CLYBL: variants seen among roughly 807,000 people sequenced by gnomAD.
The protein encoded by CLYBL is citramalyl-CoA lyase, also known as citramalyl-CoA lyase, mitochondrial.
CLYBL carries 31 observed loss-of-function variants against 38.9 expected under a neutral mutation model. That is an observed-to-expected ratio of 0.80 (90% CI 0.60 to 1.08). CLYBL has a LOEUF of 1.08. Ranked by LOEUF, CLYBL falls within the 50% of genes least tolerant of loss-of-function variation. CLYBL has a pLI of 0.00. For missense variants in CLYBL, 434 were observed against 411.6 expected (o/e 1.05, Z -0.47); for synonymous variants, 171 against 158.6 (o/e 1.08, Z -0.59).
chr13:99,709,977 G>A (rs948477067), intron 1 of CLYBL, among the ~76,000 whole-genome samples: 5 of 134,958 alleles, frequency 3.7e-5, no homozygotes, highest in Non-Finnish European at 7.6e-5. Flanking sequence ...AGTCTGGAGT[G>A]CAGTGGCGCT....
intron 1 of CLYBL, among the ~76,000 whole-genome samples, chr13:99,686,153 G>A (rs1284031231): frequency 2.0e-5 from 3 of 152,130 alleles, no homozygotes; most frequent in Non-Finnish European, 4.4e-5. Flanking sequence ...GTGTGGAGCT[G>A]TTTCAGGGAC....
chr13:99,897,372 A>G (rs1201482345), downstream of CLYBL, among the ~76,000 whole-genome samples: 1 of 152,184 alleles, frequency 6.6e-6, no homozygotes, highest in East Asian at 1.9e-4. Context: ...TGTCCTCAAG[A>G]TTAGGGCTGA....
chr13:99,736,051 T>TC (rs1247242473), intron 1 of CLYBL, among the ~76,000 whole-genome samples: 6 of 141,368 alleles, frequency 4.2e-5, no homozygotes, highest in Non-Finnish European at 9.2e-5. Flanking sequence ...TTTTTTTTTT[T>TC]TTTTTTTTTT....
chr13:99,664,526 C>T (rs762288429), intron 1 of CLYBL, among the ~76,000 whole-genome samples: 22 of 152,144 alleles, frequency 1.4e-4, no homozygotes, highest in African/African-American at 5.3e-4. Flanking sequence ...GATACCTTTG[C>T]GTAGTACTTT....
chr13:99,638,378 T>C (rs1011415495), intron 1 of CLYBL, among the ~76,000 whole-genome samples: 1 of 152,250 alleles, frequency 6.6e-6, no homozygotes, highest in Non-Finnish European at 1.5e-5. Flanking sequence ...CTCCAAATTA[T>C]TGAAAGTTAT....
intron 1 of CLYBL, among the ~76,000 whole-genome samples, chr13:99,709,103 AAG>A (rs2048189386): frequency 6.6e-6 from 1 of 152,126 alleles, no homozygotes; most frequent in Non-Finnish European, 1.5e-5. Flanking sequence ...AAAAAAAAGA[AAG>A]AAAAAAAAGG....
intron 1 of CLYBL, among the ~76,000 whole-genome samples, chr13:99,614,559 CGGGCAGGTGTAGCTGCGA>C (rs879532231): frequency 5.3e-5 from 8 of 152,174 alleles, no homozygotes; most frequent in East Asian, 1.9e-4. Flanking sequence ...TACACCTGCC[CGGGCAGGTGTAGCTGCGA>C]GGGAGGTCTC....
intron 1 of CLYBL, among the ~76,000 whole-genome samples, chr13:99,652,189 T>G (rs548299749): frequency 6.6e-6 from 1 of 152,282 alleles, no homozygotes; most frequent in East Asian, 1.9e-4. Context: ...GGGCCCACCC[T>G]TTGGCTCTGG....
chr13:99,771,057 A>C (rs2049383978), intron 1 of CLYBL, among the ~76,000 whole-genome samples: 2 of 118,234 alleles, frequency 1.7e-5, no homozygotes, highest in Admixed American at 9.7e-5. Flanking sequence ...TTTTTGAGGC[A>C]AGGTATTGCT....
intron 1 of CLYBL, among the ~76,000 whole-genome samples, chr13:99,724,477 A>T (rs192448093): frequency 1.3e-5 from 2 of 152,014 alleles, no homozygotes; most frequent in South Asian, 2.1e-4. Flanking sequence ...CCCTCCCTTG[A>T]TAAGAGCCTG....
intron 1 of CLYBL, among the ~76,000 whole-genome samples, chr13:99,641,060 T>A (rs1171406248): frequency 2.6e-5 from 4 of 152,262 alleles, no homozygotes; most frequent in Non-Finnish European, 5.9e-5. Context: ...AAATGAAAAT[T>A]TGAAAAGTAT....
At chr13:99,868,649 G>A (rs781155285) in intron 6 of CLYBL, among the ~76,000 whole-genome samples, 8 of 152,046 alleles carry the variant, frequency 5.3e-5, no homozygotes, top group Non-Finnish European at 1.0e-4. Context: ...TTCTGCGGTC[G>A]TTTCCCAGAG....
At chr13:99,794,180 G>A (rs1384223811) in intron 2 of CLYBL, among the ~76,000 whole-genome samples, 2 of 152,196 alleles carry the variant, frequency 1.3e-5, no homozygotes, top group East Asian at 3.8e-4. Context: ...CAGCACTTTG[G>A]GAGGCCGAGG....
intron 7 of CLYBL, chr13:99,884,944 C>T (rs987403260): frequency 1.7e-5 from 8 of 471,418 alleles, no homozygotes; most frequent in Admixed American, 1.2e-4. Flanking sequence ...TGACCCAAAT[C>T]ACCAACTACC....
At chr13:99,783,616 C>T (rs113856269) in intron 2 of CLYBL, among the ~76,000 whole-genome samples, 17,385 of 151,870 alleles carry the variant, frequency 0.11, 1,428 homozygotes, top group East Asian at 0.37. Flanking sequence ...GCCACCACTC[C>T]TGGCTAATTT....
At chr13:99,762,781 A>G (rs2049190359) in intron 1 of CLYBL, among the ~76,000 whole-genome samples, 2 of 152,230 alleles carry the variant, frequency 1.3e-5, no homozygotes, top group Admixed American at 1.3e-4. Flanking sequence ...TAATGATATT[A>G]AAGCTGTGAA....
intron 2 of CLYBL, among the ~76,000 whole-genome samples, chr13:99,810,228 C>T (rs573792669): frequency 6.6e-6 from 1 of 152,344 alleles, no homozygotes; most frequent in Admixed American, 6.5e-5. Flanking sequence ...GTGAGACAGA[C>T]ATACATCATT....
chr13:99,692,227 A>G (rs2047913765), intron 1 of CLYBL, among the ~76,000 whole-genome samples: 2 of 152,130 alleles, frequency 1.3e-5, no homozygotes, highest in Non-Finnish European at 2.9e-5. Context: ...TTGCATTTAA[A>G]AATTGTCGCT....
intron 1 of CLYBL, among the ~76,000 whole-genome samples, chr13:99,732,934 A>G (rs1233238371): frequency 6.6e-6 from 1 of 152,202 alleles, no homozygotes; most frequent in Non-Finnish European, 1.5e-5. Context: ...TTGTTTTTCT[A>G]ATTTTTAAAA....
Sources: gnomAD v4.1 joint callset for allele counts (sites outside exome capture counted in the v4.1 genomes callset) on GRCh38, gnomAD v4.1.1 for gene constraint, MANE v1.5 for transcripts, NCBI Gene and HGNC (gene_info 2026-07-23, HGNC 2026-07-21) for gene names.